Variants in CHST9 observed in about 807,000 individuals in gnomAD.
CHST9 encodes GalNAc-4-sulfotransferase 2.
CHST9 carries 41 observed loss-of-function variants against 44.4 expected under a neutral mutation model. That is an observed-to-expected ratio of 0.92 (90% confidence interval 0.72 to 1.20). The LOEUF is 1.20. CHST9 is among the 50% of genes most tolerant of loss of function. CHST9 has a pLI of 0.00. For missense variants in CHST9, 504 were observed against 516.5 expected (o/e 0.98, Z 0.23); for synonymous variants, 171 against 178.4 (o/e 0.96, Z 0.33).
At chr18:26,975,715 G>GTGTATATATATGTGTATATATA (rs2056612665) in intron 4 of CHST9, among the ~76,000 whole-genome samples, 1 of 86,046 alleles carries the variant, frequency 1.2e-5, no homozygotes, top group African/African-American at 4.2e-5. Flanking sequence ...ATATATGTGT[G>GTGTATATATATGTGTATATATA]TGTGTGTGTG....
intron 1 of CHST9, among the ~76,000 whole-genome samples, chr18:27,145,760 A>G (rs955106067): frequency 1.3e-5 from 2 of 152,232 alleles, no homozygotes; most frequent in Non-Finnish European, 1.5e-5. Flanking sequence ...AATCTAAACT[A>G]AAATATTATG....
intron 1 of CHST9, among the ~76,000 whole-genome samples, chr18:27,172,730 C>T (rs2058842444): frequency 6.6e-6 from 1 of 151,844 alleles, no homozygotes; most frequent in Admixed American, 6.6e-5. Flanking sequence ...TTCAGAAACT[C>T]GAAACTCTCC....
intron 2 of CHST9, among the ~76,000 whole-genome samples, chr18:27,137,059 A>T (rs142577224): frequency 0.012 from 1,774 of 152,272 alleles, 27 homozygotes; most frequent in African/African-American, 0.037. Flanking sequence ...ACAAGTTATG[A>T]GCTCTCTGTC....
At position 27,150,029 on chromosome 18, in the gene CHST9, C is replaced by A. The variant is rs1020824207; in HGVS notation, c.-96-7124G>T. 3.2e-4 allele frequency among the ~76,000 whole-genome samples: 48 copies of A among 151,584 alleles called. 1 individual carries two copies. The highest frequency in any genetic ancestry group is 2.7e-3 in the Admixed American group (41 of 15,226). The stretch of plus-strand genomic sequence containing the variant: ...TTTTGCTTGTAGTATTGTGGCCTCT[C>A]TTTCTTAGCATTAGATTTATTTCTT... On this transcript the variant is annotated intron_variant, in intron 1 of 5. Transcript: ENST00000618847.
chr18:27,059,533 A>G (rs529343217), intron 2 of CHST9, among the ~76,000 whole-genome samples: 3 of 152,362 alleles, frequency 2.0e-5, no homozygotes, highest in African/African-American at 7.2e-5. Flanking sequence ...AGGTAATGAT[A>G]TGAGTCCAAA....
intron 1 of CHST9, among the ~76,000 whole-genome samples, chr18:27,182,493 T>C (rs1312247210): frequency 6.6e-6 from 1 of 152,174 alleles, no homozygotes; most frequent in Non-Finnish European, 1.5e-5. Context: ...CCTCAAAAAA[T>C]ATGAAAATGC....
chr18:27,016,180 G>A (rs963327533), intron 4 of CHST9, among the ~76,000 whole-genome samples: 1 of 152,194 alleles, frequency 6.6e-6, no homozygotes, highest in African/African-American at 2.4e-5. Flanking sequence ...TCTTTTGTAA[G>A]GAGTGTGGCT....
chr18:27,050,403 C>CT (rs1041889314), intron 2 of CHST9, among the ~76,000 whole-genome samples: 159 of 152,090 alleles, frequency 1.0e-3, no homozygotes, highest in African/African-American at 3.5e-3. Context: ...CCAGCTGTCA[C>CT]TTTTTTTTGT....
chr18:26,982,832 T>C (rs1014312054), intron 4 of CHST9, among the ~76,000 whole-genome samples: 1 of 152,198 alleles, frequency 6.6e-6, no homozygotes, highest in African/African-American at 2.4e-5. Flanking sequence ...TCTTCAACGA[T>C]AAAATGGAAT....
intron 1 of CHST9, among the ~76,000 whole-genome samples, chr18:27,169,080 T>G (rs1166275185): frequency 6.6e-6 from 1 of 152,186 alleles, no homozygotes; most frequent in Non-Finnish European, 1.5e-5. Flanking sequence ...AAGATGACTC[T>G]GAGTTTCAGA....
intron 5 of CHST9, among the ~76,000 whole-genome samples, chr18:26,932,712 G>A (rs2145089777): frequency 6.6e-6 from 1 of 152,258 alleles, no homozygotes; most frequent in Admixed American, 6.5e-5. Flanking sequence ...CCACCAGTAA[G>A]AGACCACCTG....
chr18:27,156,371 T>C (rs1002464364), intron 1 of CHST9, among the ~76,000 whole-genome samples: 1 of 152,082 alleles, frequency 6.6e-6, no homozygotes. Context: ...TAAGGTATTT[T>C]GGGTACTATG....
At chr18:27,049,131 G>A (rs144064525) in intron 2 of CHST9, among the ~76,000 whole-genome samples, 2,166 of 152,228 alleles carry the variant, frequency 0.014, 35 homozygotes, top group South Asian at 0.034. Context: ...GTGCATAGGA[G>A]GAGGACTATC....
chr18:26,961,795 C>G (rs1376019604), intron 4 of CHST9, among the ~76,000 whole-genome samples: 1 of 152,164 alleles, frequency 6.6e-6, no homozygotes, highest in African/African-American at 2.4e-5. Context: ...AACAATGTTT[C>G]TGTTTTGGAT....
At chr18:27,071,991 G>A (rs2057846060) in intron 2 of CHST9, among the ~76,000 whole-genome samples, 1 of 152,160 alleles carries the variant, frequency 6.6e-6, no homozygotes, top group African/African-American at 2.4e-5. Context: ...TGACGGTGAT[G>A]CTGTTCCTGC....
intron 1 of CHST9, among the ~76,000 whole-genome samples, chr18:27,152,605 C>T (rs189579250): frequency 3.4e-4 from 52 of 152,250 alleles, no homozygotes; most frequent in Admixed American, 2.9e-3. Context: ...ATGCAGCATG[C>T]ACTTACATGC....
At position 27,024,156 on chromosome 18, in the gene CHST9, T is replaced by C. The variant is rs761882201; in HGVS notation, c.162A>G (p.Gly54=). The change falls in exon 4 of 6, where the codon GGA becomes GGG. Residue 54 remains glycine (G), a splice_region_variant and synonymous_variant. Coordinates refer to ENST00000618847, the MANE Select transcript of CHST9 (RefSeq NM_031422.6). ...GCCGCAAGTACTTCACTGGTCCCCA[T>C]CCTGAAAAAGAAGAGGAAAGAAATT... is the stretch of plus-strand genomic sequence containing the variant. ...EKRREQKVTS[G]WGPVKYLRPV... 6.2e-7 allele frequency: 1 copy of C among 1,609,978 alleles called. No homozygotes were observed. The highest frequency in any genetic ancestry group is 2.2e-5 in the East Asian group (1 of 44,676).
chr18:26,923,350 G>T (rs1272693538), intron 5 of CHST9, among the ~76,000 whole-genome samples: 1 of 152,064 alleles, frequency 6.6e-6, no homozygotes, highest in Non-Finnish European at 1.5e-5. Flanking sequence ...TAATTGTTTA[G>T]GTAATGATCT....
Position 26,996,415 on chromosome 18 carries a change from G to A in CHST9, c.202+27701C>T, listed in dbSNP as rs545033748. 1.1e-4 allele frequency among the ~76,000 whole-genome samples: 16 copies of A among 152,224 alleles called. No homozygotes were observed. The South Asian group carries it at 2.5e-3, about 24-fold the overall frequency. On this transcript the variant is annotated intron_variant, in intron 4 of 5. Coordinates refer to ENST00000618847, the MANE Select transcript of CHST9 (RefSeq NM_031422.6). ...GGAGCGGATCCCTCATGAATGGCTCGGTGCTGTCCTCATGATAGTGAGTGA... is the reference window on the plus strand; with the variant it reads ...GGAGCGGATCCCTCATGAATGGCTCAGTGCTGTCCTCATGATAGTGAGTGA...
Sources: gnomAD v4.1 joint callset for allele counts (sites outside exome capture counted in the v4.1 genomes callset) on GRCh38, gnomAD v4.1.1 for gene constraint, MANE v1.5 for transcripts, NCBI Gene and HGNC (gene_info 2026-07-23, HGNC 2026-07-21) for gene names.